The following SAR1B variants were observed in gnomAD, a reference collection of about 807,000 sequenced individuals.
The protein encoded by SAR1B is secretion associated Ras related GTPase 1B, also known as small COPII coat GTPase SAR1B.
Under a neutral mutation model 26.8 loss-of-function variants are expected in SAR1B, and 23 were observed. That is an observed-to-expected ratio of 0.86 (90% confidence interval 0.62 to 1.22). SAR1B has a LOEUF of 1.22. SAR1B is among the 50% of genes most tolerant of loss of function. The probability of loss-of-function intolerance (pLI) is 0.00; values close to 1 mark genes in which losing one functional copy is unlikely to be tolerated. For synonymous variants in SAR1B, 65 were observed against 80.8 expected, an observed-to-expected ratio of 0.80 and a Z score of 1.05; for missense variants, 196 against 232.8, an observed-to-expected ratio of 0.84 and a Z score of 1.03.
At chr5:134,629,890 AAAAAAAAAAG>A (rs1219003307) in intron 1 of SAR1B, among the ~76,000 whole-genome samples, 2 of 151,390 alleles carry the variant, frequency 1.3e-5, no homozygotes. Context: ...TGTCTCAAAA[AAAAAAAAAAG>A]AAAAAAAAGA....
At chr5:134,627,196 A>T (rs1437462367) in intron 1 of SAR1B, among the ~76,000 whole-genome samples, 3 of 151,682 alleles carry the variant, frequency 2.0e-5, no homozygotes, top group African/African-American at 4.8e-5. Flanking sequence ...GGACTACAGG[A>T]GCCTGCCACC....
intron 1 of SAR1B, among the ~76,000 whole-genome samples, chr5:134,629,699 A>AC (rs1765564527): frequency 6.6e-6 from 1 of 151,558 alleles, no homozygotes; most frequent in East Asian, 1.9e-4. Flanking sequence ...TCCATCTCAA[A>AC]AAAACAAACA....
At chr5:134,617,227 G>C (rs113674102) in intron 3 of SAR1B, among the ~76,000 whole-genome samples, 6,291 of 150,266 alleles carry the variant, frequency 0.042, 414 homozygotes, top group African/African-American at 0.14. Context: ...GTGAGACACT[G>C]ACTCAAAAAA....
In SAR1B at chr5:134,628,376, G is replaced by A. The variant is rs188622759; in HGVS notation, c.-18-4339C>T. Among the ~76,000 whole-genome samples the A allele has an allele frequency of 3.9e-3, 591 of 151,330 alleles. 4 individuals are homozygous for A. Among genetic ancestry groups the A allele is most frequent in the Middle Eastern group, 0.01 (3 of 292 alleles). ...ATGACAAAATACAAATACCCAAAAA[G>A]TACTATTGGGAGAAAATAAGGGACC... On this transcript the variant is annotated intron_variant, in intron 1 of 6. Coordinates refer to ENST00000402673, the MANE Select transcript of SAR1B (RefSeq NM_016103.4).
intron 1 of SAR1B, among the ~76,000 whole-genome samples, chr5:134,625,140 T>C (rs1387533584): frequency 6.6e-6 from 1 of 152,064 alleles, no homozygotes; most frequent in Admixed American, 6.6e-5. Flanking sequence ...GGAATCTGAC[T>C]CCAAAAGTGA....
intron 3 of SAR1B, chr5:134,614,548 T>G (rs752077650): frequency 1.3e-5 from 2 of 152,250 alleles, no homozygotes; most frequent in Non-Finnish European, 2.9e-5. Context: ...TAGTAATTAT[T>G]TGGCTAACAG....
At chr5:134,607,483 C>T (rs1765146469) in intron 6 of SAR1B, among the ~76,000 whole-genome samples, 1 of 152,140 alleles carries the variant, frequency 6.6e-6, no homozygotes, top group South Asian at 2.1e-4. Context: ...ACTTAAGAGC[C>T]TCCTGCGGAC....
Position 134,606,920 on chromosome 5 carries a change from G to A in SAR1B, c.*30C>T, listed in dbSNP as rs767353250. On this transcript the variant is annotated 3_prime_UTR_variant, in exon 7 of 7. Transcript: ENST00000402673. ...ATCAAATCTCTGAGTAAGCCTGAAC[G>A]TTGAGACCTGGAACCAATGTGAGTT... 1.3e-5 allele frequency: 19 copies of A among 1,414,878 alleles called. No individual in the cohort carries two copies. Among genetic ancestry groups the A allele is most frequent in the Admixed American group, 3.3e-5 (2 of 59,812 alleles). 87.6% of individuals were successfully genotyped at this position (1,414,878 alleles called of 1,614,324 possible).
chr5:134,630,551 G>A (rs1765583038), intron 1 of SAR1B, among the ~76,000 whole-genome samples: 1 of 150,838 alleles, frequency 6.6e-6, no homozygotes, highest in African/African-American at 2.4e-5. Flanking sequence ...AGGAGGCCAA[G>A]CCGGACAGAT....
chr5:134,609,547 T>C (rs1765179761), intron 5 of SAR1B, 24 bp downstream of exon 5: 1 of 1,574,172 alleles, frequency 6.4e-7, no homozygotes. Flanking sequence ...TTTGACTATA[T>C]TTAGTTTCAG....
At chr5:134,632,591 G>A (rs1241710431) in intron 1 of SAR1B, 137 bp downstream of exon 1, 1 of 152,470 alleles carries the variant, frequency 6.6e-6, no homozygotes, top group East Asian at 1.9e-4. Context: ...GCCTAACCCC[G>A]GGGTGAAAAA....
intron 2 of SAR1B, among the ~76,000 whole-genome samples, chr5:134,623,151 T>G (rs1194459611): frequency 5.7e-5 from 8 of 141,432 alleles, no homozygotes; most frequent in Admixed American, 2.2e-4. Context: ...AAGAAAAAAC[T>G]GTAGCAAGGC....
intron 6 of SAR1B, among the ~76,000 whole-genome samples, chr5:134,607,535 G>C (rs1222200233): frequency 6.6e-6 from 1 of 151,820 alleles, no homozygotes; most frequent in Non-Finnish European, 1.5e-5. Context: ...CACTCTGGGA[G>C]GCCAAGGCGG....
chr5:134,616,916 C>T lies in SAR1B; in HGVS notation c.178+4017G>A, dbSNP rs535626567. 2.0e-5 allele frequency among the ~76,000 whole-genome samples: 3 copies of T among 152,140 alleles called. No individual in the cohort carries two copies. The East Asian group carries it at 5.8e-4, about 29-fold the overall frequency. On this transcript the variant is annotated intron_variant, in intron 3 of 6. Coordinates refer to ENST00000402673, the MANE Select transcript of SAR1B (RefSeq NM_016103.4). The stretch of plus-strand genomic sequence containing the variant: ...TTTTTGATGGACATTTGAGGTGTTT[C>T]CAGTTTTTGGCTATTACAAATAAAA...
chr5:134,612,952 C>G, intron 3 of SAR1B, 196 bp from the exon 4 acceptor site: 1 of 580,912 alleles, frequency 1.7e-6, no homozygotes, highest in East Asian at 3.0e-5. Context: ...ATAAAGAAAT[C>G]AATGTACTTT....
intron 5 of SAR1B, among the ~76,000 whole-genome samples, 167 bp downstream of exon 5, chr5:134,609,404 T>G (rs1765178256): frequency 6.6e-6 from 1 of 152,240 alleles, no homozygotes; most frequent in Non-Finnish European, 1.5e-5. Context: ...TTACTCCCTC[T>G]GCATTCTAAG....
rs571045613 is a variant in SAR1B, at chr5:134,604,868, C to T, written c.*2082G>A. On this transcript the variant is annotated 3_prime_UTR_variant, in exon 7 of 7. Coordinates refer to ENST00000402673, the MANE Select transcript of SAR1B (RefSeq NM_016103.4). ...GGCAGGTCCCTGAAGGTACAGATAACATGAACAAGAGGCAGTTATTTTTAA... is the reference window on the plus strand; with the variant it reads ...GGCAGGTCCCTGAAGGTACAGATAATATGAACAAGAGGCAGTTATTTTTAA... 2.0e-5 allele frequency: 3 copies of T among 152,182 alleles called. No homozygotes were observed. The highest frequency in any genetic ancestry group is 1.3e-4 in the Admixed American group (2 of 15,262). 9.4% of individuals were successfully genotyped at this position (152,182 alleles called of 1,614,324 possible).
chr5:134,611,445 G>A (rs1243535244), intron 4 of SAR1B, among the ~76,000 whole-genome samples: 1 of 151,976 alleles, frequency 6.6e-6, no homozygotes, highest in Non-Finnish European at 1.5e-5. Flanking sequence ...AACAGGCCAG[G>A]TGTGGTGGCT....
At chr5:134,613,910 C>T (rs1279125062) in intron 3 of SAR1B, 1 of 152,248 alleles carries the variant, frequency 6.6e-6, no homozygotes, top group African/African-American at 2.4e-5. Context: ...ACTTTTCTCT[C>T]TGTGCTTCAT....
Sources: allele counts gnomAD v4.1 joint callset (sites outside exome capture counted in the v4.1 genomes callset), GRCh38; gene constraint gnomAD v4.1.1; transcripts MANE v1.5; gene names NCBI Gene and HGNC (gene_info 2026-07-23, HGNC 2026-07-21).